The following TPRG1 variants were observed in gnomAD, a reference collection of about 807,000 sequenced individuals.
TPRG1 encodes the protein tumor protein p63 regulated 1.
In TPRG1, 29 loss-of-function variants were observed where a neutral mutation model predicts 29.3. The ratio of observed to expected loss-of-function variants is 0.99; its 90% CI spans 0.74 to 1.35. TPRG1 has a LOEUF of 1.35. Among genes scored for constraint, TPRG1 ranks in the 40% most tolerant of loss-of-function variants. TPRG1 has a pLI of 0.00. For synonymous variants in TPRG1, 130 were observed against 116.8 expected (o/e 1.11, Z -0.73); for missense variants, 327 against 335.0 (o/e 0.98, Z 0.19).
intron 4 of TPRG1, among the ~76,000 whole-genome samples, chr3:189,043,394 G>A (rs920698134): frequency 1.3e-5 from 2 of 152,166 alleles, no homozygotes; most frequent in African/African-American, 4.8e-5. Context: ...CTGTGACCTC[G>A]TGCAAGATGT....
At position 189,021,568 on chromosome 3, in the gene TPRG1, C is replaced by T. The variant is rs190225658; in HGVS notation, c.-659-2182C>T. On this transcript the variant is annotated intron_variant, in intron 3 of 10. Transcript: ENST00000433971. ...AATGTTGAATATTACCCCCCACTCTCTTCTGGCTTGTAGGGTTTCTGCCGA... is the reference window on the plus strand; with the variant it reads ...AATGTTGAATATTACCCCCCACTCTTTTCTGGCTTGTAGGGTTTCTGCCGA... Among the ~76,000 whole-genome samples the T allele has an allele frequency of 8.4e-4, 128 of 152,276 alleles. No homozygotes were observed. The East Asian group carries it at 0.011, about 13-fold the overall frequency.
chr3:189,192,864 A>G (rs540757659), intron 1 of TPRG1, among the ~76,000 whole-genome samples: 1 of 152,236 alleles, frequency 6.6e-6, no homozygotes, highest in South Asian at 2.1e-4. Context: ...CATAAGTCCA[A>G]TCTAGTGGTG....
intron 3 of TPRG1, among the ~76,000 whole-genome samples, chr3:189,019,615 G>T (rs1036290258): frequency 6.6e-6 from 1 of 152,168 alleles, no homozygotes; most frequent in African/African-American, 2.4e-5. Flanking sequence ...TTTTTGATGT[G>T]CTGCTGGATT....
chr3:189,309,098 G>T (rs1392553617), intron 4 of TPRG1, among the ~76,000 whole-genome samples: 15 of 138,170 alleles, frequency 1.1e-4, no homozygotes, highest in Non-Finnish European at 2.0e-4. Context: ...TTCTTCTTGG[G>T]CAAAGGATTA....
intron 4 of TPRG1, among the ~76,000 whole-genome samples, chr3:189,266,130 G>A (rs1714033826): frequency 6.6e-6 from 1 of 152,092 alleles, no homozygotes; most frequent in Non-Finnish European, 1.5e-5. Flanking sequence ...TTATTTGGAG[G>A]CTCATATACT....
intron 4 of TPRG1, among the ~76,000 whole-genome samples, chr3:189,071,558 A>G (rs918872570): frequency 6.6e-6 from 1 of 152,144 alleles, no homozygotes; most frequent in Non-Finnish European, 1.5e-5. Context: ...CACACATGCA[A>G]TTGAAAGAGG....
rs912428688 is a variant in TPRG1, at chr3:189,250,516, C to A, written c.479+11607C>A. On this transcript the variant is annotated intron_variant, in intron 4 of 5. Coordinates refer to ENST00000345063, the MANE Select transcript of TPRG1 (RefSeq NM_198485.4). ...AGTTCTGATTTCCGCCCCCCCCCCC[C>A]CACCCAGATTAAAGCTTTTGTTAAC... Among the ~76,000 whole-genome samples the A allele has an allele frequency of 2.8e-5, 3 of 108,364 alleles. 1 individual carries two copies. The highest frequency in any genetic ancestry group is 9.4e-5 in the African/African-American group (3 of 31,762). 71.1% of individuals were successfully genotyped at this position (108,364 alleles called of 152,430 possible). A position where few individuals can be genotyped will look rare whatever the true frequency, so the allele number is the denominator to read the frequency against.
intron 3 of TPRG1, among the ~76,000 whole-genome samples, chr3:189,234,426 T>C (rs571349899): frequency 1.2e-3 from 181 of 152,308 alleles, no homozygotes; most frequent in African/African-American, 4.2e-3. Flanking sequence ...ACTGTTAACA[T>C]TTTGATATGT....
upstream of TPRG1, among the ~76,000 whole-genome samples, chr3:189,099,661 C>G (rs1052986964): frequency 6.6e-6 from 1 of 152,026 alleles, no homozygotes; most frequent in Admixed American, 6.6e-5. Flanking sequence ...CATGTGGGGC[C>G]TGACCTACAG....
chr3:189,285,024 T>G (rs1717813848), intron 4 of TPRG1, among the ~76,000 whole-genome samples: 1 of 151,966 alleles, frequency 6.6e-6, no homozygotes, highest in South Asian at 2.1e-4. Flanking sequence ...GGGAGAAAAT[T>G]TTTGCAATCT....
chr3:189,184,877 C>G (rs1730710297), intron 1 of TPRG1, among the ~76,000 whole-genome samples: 1 of 152,172 alleles, frequency 6.6e-6, no homozygotes, highest in Non-Finnish European at 1.5e-5. Context: ...AGATTCGCAA[C>G]AGCAGAGCGG....
chr3:189,232,445 C>T (rs1738812803), intron 3 of TPRG1, among the ~76,000 whole-genome samples: 3 of 152,198 alleles, frequency 2.0e-5, no homozygotes, highest in African/African-American at 4.8e-5. Flanking sequence ...GTAGCAAGCC[C>T]TATGGGCAAG....
intron 1 of TPRG1, among the ~76,000 whole-genome samples, chr3:189,175,704 A>C (rs191990173): frequency 1.1e-3 from 166 of 152,360 alleles, no homozygotes; most frequent in Admixed American, 3.1e-3. Context: ...TGAGTAAGGC[A>C]AGGTGGTGCT....
chr3:189,261,577 C>T (rs781637065), intron 4 of TPRG1, among the ~76,000 whole-genome samples: 2 of 152,130 alleles, frequency 1.3e-5, no homozygotes, highest in Non-Finnish European at 2.9e-5. Flanking sequence ...CCATTGTGTA[C>T]GACAGAGTGG....
chr3:189,062,093 A>G (rs969589650), intron 4 of TPRG1, among the ~76,000 whole-genome samples: 1 of 152,254 alleles, frequency 6.6e-6, no homozygotes, highest in African/African-American at 2.4e-5. Context: ...ACACCATGTT[A>G]TACTGTGCAG....
chr3:189,150,621 G>A (rs962190170), intron 4 of TPRG1: 3 of 152,164 alleles, frequency 2.0e-5, no homozygotes, highest in Non-Finnish European at 4.4e-5. Context: ...CACAATACAT[G>A]ATCAATAACT....
At chr3:189,272,881 G>C (rs1404468779) in intron 4 of TPRG1, among the ~76,000 whole-genome samples, 1 of 152,108 alleles carries the variant, frequency 6.6e-6, no homozygotes, top group African/African-American at 2.4e-5. Context: ...GCTACAGAAA[G>C]GTGGTGCTAG....
intron 3 of TPRG1, among the ~76,000 whole-genome samples, chr3:189,227,393 A>T (rs1366532655): frequency 6.6e-6 from 1 of 152,196 alleles, no homozygotes; most frequent in East Asian, 1.9e-4. Flanking sequence ...AGGGAGGGCC[A>T]CGGCAGCTGC....
chr3:189,129,230 C>T (rs1430436758), intron 2 of TPRG1, among the ~76,000 whole-genome samples: 1 of 152,098 alleles, frequency 6.6e-6, no homozygotes, highest in East Asian at 1.9e-4. Flanking sequence ...CACAGTTTTT[C>T]CTTTTCTTTC....
Sources: allele counts gnomAD v4.1 joint callset (sites outside exome capture counted in the v4.1 genomes callset), GRCh38; gene constraint gnomAD v4.1.1; transcripts MANE v1.5; gene names NCBI Gene and HGNC (gene_info 2026-07-23, HGNC 2026-07-21).